Variants in CTNND2 observed in about 807,000 individuals in gnomAD.
The protein encoded by CTNND2 is catenin delta 2.
A neutral mutation model predicts 144.4 loss-of-function variants in CTNND2; 22 were observed. The observed-to-expected ratio is 0.15, with a 90% CI of 0.11 to 0.22. The LOEUF is 0.22. CTNND2 is among the 10% of genes least tolerant of loss of function. The pLI, the probability that CTNND2 is intolerant of heterozygous loss-of-function variation, is 1.00. For synonymous variants in CTNND2, 751 were observed against 695.6 expected (o/e 1.08, Z -1.25); for missense variants, 1,353 against 1,618.8 (o/e 0.84, Z 2.82).
At chr5:11,763,155 C>T (rs1226858006) in intron 1 of CTNND2, among the ~76,000 whole-genome samples, 1 of 152,178 alleles carries the variant, frequency 6.6e-6, no homozygotes, top group East Asian at 1.9e-4. Context: ...TTCCCCTTCA[C>T]CTTCCATCAT....
chr5:11,598,401 A>AG, intron 2 of CTNND2, among the ~76,000 whole-genome samples: 1 of 152,276 alleles, frequency 6.6e-6, no homozygotes, highest in Non-Finnish European at 1.5e-5. Flanking sequence ...CCAGGACTCC[A>AG]GGGGGGTCTC....
intron 3 of CTNND2, among the ~76,000 whole-genome samples, chr5:11,560,317 A>G (rs1323293070): frequency 6.6e-6 from 1 of 152,196 alleles, no homozygotes; most frequent in Non-Finnish European, 1.5e-5. Context: ...CACACTCCTC[A>G]TAATTGTTGC....
At chr5:11,195,595 G>A (rs186418989) in intron 11 of CTNND2, among the ~76,000 whole-genome samples, 2 of 152,334 alleles carry the variant, frequency 1.3e-5, no homozygotes, top group African/African-American at 2.4e-5. Context: ...CTGGATATGC[G>A]AAGCATCAGA....
At chr5:11,061,126 C>T (rs1746922653) in intron 16 of CTNND2, among the ~76,000 whole-genome samples, 1 of 152,168 alleles carries the variant, frequency 6.6e-6, no homozygotes. Context: ...CCCTCCCCTC[C>T]TCTGTCTTTT....
chr5:11,790,414 G>A (rs1264133610), intron 1 of CTNND2, among the ~76,000 whole-genome samples: 1 of 146,760 alleles, frequency 6.8e-6, no homozygotes, highest in Non-Finnish European at 1.5e-5. Context: ...TTGAGCATGG[G>A]CTTTTGAGTC....
intron 1 of CTNND2, among the ~76,000 whole-genome samples, chr5:11,829,835 G>A (rs984596065): frequency 5.9e-5 from 9 of 152,132 alleles, no homozygotes; most frequent in Admixed American, 5.2e-4. Flanking sequence ...CACACACCTC[G>A]AAAAGCCACA....
chr5:11,078,067 C>T (rs1359441717), intron 16 of CTNND2, among the ~76,000 whole-genome samples: 1 of 152,158 alleles, frequency 6.6e-6, no homozygotes, highest in Admixed American at 6.5e-5. Flanking sequence ...ATCTGAGGTT[C>T]ATGCTGGAGA....
At chr5:11,193,106 G>A (rs950118444) in intron 11 of CTNND2, among the ~76,000 whole-genome samples, 1 of 152,108 alleles carries the variant, frequency 6.6e-6, no homozygotes, top group Non-Finnish European at 1.5e-5. Context: ...CCCGAATTCA[G>A]GCTGCTAAAG....
At position 10,992,659 on chromosome 5, in the gene CTNND2, G is replaced by T. The variant is rs1234833867; in HGVS notation, c.3103C>A (p.His1035Asn). ...LYKKDGWSQYHFVASSSTIER... is the reference protein window; with the variant it reads ...LYKKDGWSQYNFVASSSTIER... ...ATGGTTGAAGACGAGGCTACAAAGT[G>T]GTATTGTGACCATCCATCCTGCAAA... The change falls in exon 19 of 22, where the codon CAC becomes AAC. Residue 1035 changes from histidine (H) to asparagine (N), a missense_variant. His to Asn is a moderately conservative substitution (Grantham distance 68, BLOSUM62 1). Transcript: ENST00000304623. 1 of 1,613,994 alleles carries T rather than the reference G, an allele frequency of 6.2e-7. No homozygotes were observed. Among genetic ancestry groups the T allele is most frequent in the Non-Finnish European group, 8.5e-7 (1 of 1,180,012 alleles).
intron 1 of CTNND2, among the ~76,000 whole-genome samples, chr5:11,782,859 G>T (rs1294014286): frequency 6.6e-6 from 1 of 152,126 alleles, no homozygotes; most frequent in Non-Finnish European, 1.5e-5. Flanking sequence ...TTCAGGGACC[G>T]AGTAAATAAT....
chr5:11,902,515 A>T (rs1279716788), intron 1 of CTNND2, among the ~76,000 whole-genome samples: 1 of 152,176 alleles, frequency 6.6e-6, no homozygotes, highest in Non-Finnish European at 1.5e-5. Context: ...TCAGCCCCTG[A>T]TGAAGTATGC....
chr5:11,159,809 A>T, intron 11 of CTNND2, 50 bp from the exon 12 acceptor site: 1 of 1,421,748 alleles, frequency 7.0e-7, no homozygotes, highest in Non-Finnish European at 9.5e-7. Context: ...AGTTTTTCTC[A>T]TCTCCAAAAC....
intron 3 of CTNND2, among the ~76,000 whole-genome samples, chr5:11,425,837 T>A (rs1026985946): frequency 6.6e-6 from 1 of 152,162 alleles, no homozygotes; most frequent in Middle Eastern, 3.2e-3. Flanking sequence ...TGACCAAATG[T>A]TGGTTGGGCT....
intron 1 of CTNND2, among the ~76,000 whole-genome samples, chr5:11,885,760 A>G (rs755822933): frequency 8.5e-5 from 13 of 152,194 alleles, no homozygotes; most frequent in Non-Finnish European, 1.3e-4. Context: ...ATTCTTCAGA[A>G]CAGACCGTAT....
intron 9 of CTNND2, among the ~76,000 whole-genome samples, chr5:11,250,493 A>ATCTCTCTC (rs1561094060): frequency 2.1e-5 from 1 of 46,710 alleles, no homozygotes; most frequent in Non-Finnish European, 3.7e-5. Flanking sequence ...CTCTCTCTCT[A>ATCTCTCTC]TATATATATA....
chr5:11,340,620 G>T (rs1754159969), intron 9 of CTNND2, among the ~76,000 whole-genome samples: 1 of 152,208 alleles, frequency 6.6e-6, no homozygotes, highest in Non-Finnish European at 1.5e-5. Flanking sequence ...TCTACAAGAA[G>T]TGAATGTAAA....
chr5:11,505,213 C>T (rs781663060), intron 3 of CTNND2, among the ~76,000 whole-genome samples: 4 of 148,532 alleles, frequency 2.7e-5, no homozygotes, highest in Non-Finnish European at 4.5e-5. Context: ...AAAAAAAAGT[C>T]GAGAAAGTCT....
intron 1 of CTNND2, among the ~76,000 whole-genome samples, chr5:11,850,180 G>A (rs1794948308): frequency 6.6e-6 from 1 of 152,056 alleles, no homozygotes; most frequent in Non-Finnish European, 1.5e-5. Flanking sequence ...CTAATACAGA[G>A]CTCTCATGTA....
intron 3 of CTNND2, among the ~76,000 whole-genome samples, chr5:11,546,755 T>C (rs956672919): frequency 2.6e-5 from 4 of 152,156 alleles, no homozygotes; most frequent in Non-Finnish European, 4.4e-5. Flanking sequence ...ATCAAGTTCA[T>C]GAATGAGAAC....
Sources: gnomAD v4.1 joint callset for allele counts (sites outside exome capture counted in the v4.1 genomes callset) on GRCh38, gnomAD v4.1.1 for gene constraint, MANE v1.5 for transcripts, NCBI Gene and HGNC (gene_info 2026-07-23, HGNC 2026-07-21) for gene names.